MEIS2: variants seen among roughly 807,000 people sequenced by gnomAD.
The protein encoded by MEIS2 is homeobox protein Meis2.
Under a neutral mutation model 58.6 loss-of-function variants are expected in MEIS2, and 9 were observed. That is an observed-to-expected ratio of 0.15 (90% CI 0.09 to 0.27). The LOEUF (loss-of-function observed/expected upper bound fraction) is 0.27, where lower values mean the gene tolerates loss of function less well. MEIS2 is among the 10% of genes least tolerant of loss of function. MEIS2 has a pLI of 1.00. For synonymous variants in MEIS2, 221 were observed against 228.4 expected, an observed-to-expected ratio of 0.97 and a Z score of 0.29; for missense variants, 427 against 635.0, an observed-to-expected ratio of 0.67 and a Z score of 3.52.
chr15:37,055,423 T>C (rs1007058290), intron 7 of MEIS2, among the ~76,000 whole-genome samples: 6 of 152,204 alleles, frequency 3.9e-5, no homozygotes, highest in East Asian at 1.9e-4. Context: ...TGTGTGTTTT[T>C]CCCCCCACTT....
intron 8 of MEIS2, among the ~76,000 whole-genome samples, chr15:36,975,564 G>T (rs1448327509): frequency 1.4e-5 from 2 of 143,922 alleles, no homozygotes; most frequent in African/African-American, 5.2e-5. Context: ...TTCCCTTCTT[G>T]ACAACAGTCT....
At chr15:36,896,819 T>C in intron 9 of MEIS2, 133 bp from the exon 10 acceptor site, 1 of 776,312 alleles carries the variant, frequency 1.3e-6, no homozygotes, top group Non-Finnish European at 2.1e-6. Flanking sequence ...TAAAGGTGAT[T>C]TTCCCTTTCA....
intron 8 of MEIS2, among the ~76,000 whole-genome samples, chr15:36,987,279 A>G (rs1287662553): frequency 2.0e-5 from 3 of 152,056 alleles, no homozygotes; most frequent in East Asian, 1.9e-4. Context: ...TTGGTGGTAC[A>G]TGCCTGTAGT....
Position 36,947,139 on chromosome 15 carries a change from G to T in MEIS2, c.977+3185C>A, listed in dbSNP as rs1034519633. ...AAGATCTGGTTATCATCTTTTAAAAGAAAGTCTTAATTAGGTGATTGATGA... is the reference window on the plus strand; with the variant it reads ...AAGATCTGGTTATCATCTTTTAAAATAAAGTCTTAATTAGGTGATTGATGA... On this transcript the variant is annotated intron_variant, in intron 9 of 11. Coordinates refer to ENST00000561208, the MANE Select transcript of MEIS2 (RefSeq NM_170675.5). Among the ~76,000 whole-genome samples, 6 of 151,938 alleles carry T rather than the reference G, an allele frequency of 3.9e-5. No homozygotes were observed. In the East Asian group the frequency reaches 1.2e-3, roughly 29 times the overall value.
intron 1 of MEIS2, chr15:37,098,984 G>A: frequency 1.0e-6 from 1 of 984,424 alleles, no homozygotes. Flanking sequence ...TAGTCTAGGC[G>A]GCGGCGCAGC....
chr15:36,933,076 G>C (rs2058039768), intron 9 of MEIS2, among the ~76,000 whole-genome samples: 1 of 152,106 alleles, frequency 6.6e-6, no homozygotes, highest in Non-Finnish European at 1.5e-5. Flanking sequence ...TTTTAGAACA[G>C]ACTTTAGGGT....
intron 8 of MEIS2, among the ~76,000 whole-genome samples, chr15:37,006,601 G>A (rs1167439282): frequency 6.6e-6 from 1 of 152,064 alleles, no homozygotes; most frequent in Non-Finnish European, 1.5e-5. Flanking sequence ...AGCTATATGC[G>A]TCTCTTAATC....
At chr15:37,044,006 T>C (rs1179259783) in intron 7 of MEIS2, among the ~76,000 whole-genome samples, 1 of 152,144 alleles carries the variant, frequency 6.6e-6, no homozygotes. Context: ...TTATCCACAC[T>C]GTTGTCACTT....
intron 7 of MEIS2, among the ~76,000 whole-genome samples, chr15:37,044,736 T>C (rs1309390706): frequency 2.6e-5 from 4 of 152,240 alleles, no homozygotes. Flanking sequence ...TCTCTACTTC[T>C]TCAACAGTTT....
intron 8 of MEIS2, among the ~76,000 whole-genome samples, chr15:37,002,705 C>T (rs561540720): frequency 2.6e-5 from 4 of 152,006 alleles, no homozygotes; most frequent in African/African-American, 9.7e-5. Flanking sequence ...GGTGAAGGAG[C>T]TTCGTATATT....
At position 36,950,223 on chromosome 15, in the gene MEIS2, G is replaced by A. The variant is rs573905908; in HGVS notation, c.977+101C>T. 80 of 1,049,770 alleles carry A rather than the reference G, an allele frequency of 7.6e-5. 1 individual carries two copies. In the East Asian group the frequency reaches 1.6e-3, roughly 21 times the overall value. The allele number at this position is 1,049,770 out of a possible 1,614,324, so 65.0% of individuals were successfully genotyped here. A position where few individuals can be genotyped will look rare whatever the true frequency, so the allele number is the denominator to read the frequency against. ...TAGAAACACAGAAGTTATCCTCCTC[G>A]ATTTCATTTGTTTTAGAAAAAAAAA... On this transcript the variant is annotated intron_variant, in intron 9 of 11. Transcript: ENST00000561208.
intron 9 of MEIS2, among the ~76,000 whole-genome samples, chr15:36,924,570 C>T (rs1036144400): frequency 2.6e-5 from 4 of 152,202 alleles, no homozygotes; most frequent in Admixed American, 1.3e-4. Flanking sequence ...CCAGTGAGGA[C>T]TGGCCTGTCG....
chr15:37,052,575 T>C (rs1463662901), intron 7 of MEIS2, among the ~76,000 whole-genome samples: 3 of 152,256 alleles, frequency 2.0e-5, no homozygotes, highest in Non-Finnish European at 4.4e-5. Flanking sequence ...GCTTTGAACC[T>C]GGATAAGCAG....
chr15:37,064,403 C>T (rs542489569), intron 7 of MEIS2, among the ~76,000 whole-genome samples: 2 of 151,696 alleles, frequency 1.3e-5, no homozygotes, highest in African/African-American at 2.4e-5. Flanking sequence ...ATATATATGA[C>T]CCCAATTGTA....
At chr15:36,998,460 A>G (rs986004767) in intron 8 of MEIS2, among the ~76,000 whole-genome samples, 1 of 151,778 alleles carries the variant, frequency 6.6e-6, no homozygotes, top group African/African-American at 2.4e-5. Context: ...GACTCAAGTG[A>G]TCCTTCCACC....
chr15:37,098,266 G>C, intron 1 of MEIS2, 67 bp from the exon 2 acceptor site: 1 of 1,465,076 alleles, frequency 6.8e-7, no homozygotes, highest in Non-Finnish European at 9.1e-7. Context: ...GGGGTGGAAA[G>C]GGAAAAAGAG....
chr15:36,973,454 C>T (rs2059635205), intron 8 of MEIS2, among the ~76,000 whole-genome samples: 1 of 152,136 alleles, frequency 6.6e-6, no homozygotes, highest in African/African-American at 2.4e-5. Context: ...CTCTTTAAAG[C>T]TTAGATCTGC....
intron 9 of MEIS2, among the ~76,000 whole-genome samples, chr15:36,925,365 AC>A: frequency 1.3e-5 from 2 of 152,274 alleles, no homozygotes; most frequent in South Asian, 4.1e-4. Context: ...GGAGGGGCGC[AC>A]CCTGTGAATC....
In MEIS2 at chr15:36,890,471, TACC is replaced by T. The variant is rs1192638459; in HGVS notation, c.*1699_*1701del. The T allele has an allele frequency of 6.6e-6, 1 of 152,196 alleles. No homozygotes were observed. The highest frequency in any genetic ancestry group is 1.5e-5 in the Non-Finnish European group (1 of 68,018). The allele number at this position is 152,196 out of a possible 1,614,324, so 9.4% of individuals were successfully genotyped here. A position where few individuals can be genotyped will look rare whatever the true frequency, so the allele number is the denominator to read the frequency against. ...CATGGATGTGTCTGAAATAAAAATA[TACC>T]ACAATATAATTTATAAAATATTAAT... On this transcript the variant is annotated 3_prime_UTR_variant, in exon 12 of 12. Coordinates refer to ENST00000561208, the MANE Select transcript of MEIS2 (RefSeq NM_170675.5).
Sources: gnomAD v4.1 joint callset for allele counts (sites outside exome capture counted in the v4.1 genomes callset) on GRCh38, gnomAD v4.1.1 for gene constraint, MANE v1.5 for transcripts, NCBI Gene and HGNC (gene_info 2026-07-23, HGNC 2026-07-21) for gene names.